Variants in CENPP observed in about 807,000 individuals in gnomAD.
CENPP encodes the protein centromere protein P.
Under a neutral mutation model 35.6 loss-of-function variants are expected in CENPP, and 24 were observed. That is an observed-to-expected ratio of 0.67 (90% CI 0.49 to 0.95). The LOEUF (loss-of-function observed/expected upper bound fraction) is 0.95, where lower values mean the gene tolerates loss of function less well. Among genes scored for constraint, CENPP ranks in the 40% least tolerant of loss-of-function variants. The pLI, the probability that CENPP is intolerant of heterozygous loss-of-function variation, is 0.00. For missense variants in CENPP, 332 were observed against 345.3 expected (o/e 0.96, Z 0.31); for synonymous variants, 120 against 125.5 (o/e 0.96, Z 0.29).
chr9:92,505,150 C>T (rs758551155), intron 5 of CENPP, among the ~76,000 whole-genome samples: 13 of 152,190 alleles, frequency 8.5e-5, no homozygotes, highest in Non-Finnish European at 1.6e-4. Flanking sequence ...TGAGTGGACA[C>T]TCTGTTACGG....
At chr9:92,450,312 T>C (rs1156590648) in intron 5 of CENPP, among the ~76,000 whole-genome samples, 3 of 147,476 alleles carry the variant, frequency 2.0e-5, no homozygotes, top group African/African-American at 5.0e-5. Flanking sequence ...GTTCTCATTG[T>C]TCAATTCCCA....
intron 5 of CENPP, among the ~76,000 whole-genome samples, chr9:92,387,378 GAA>G (rs574588556): frequency 3.4e-5 from 4 of 117,304 alleles, no homozygotes; most frequent in South Asian, 2.6e-4. Flanking sequence ...TCCATCTCAA[GAA>G]AAAAAAAAAA....
intron 5 of CENPP, among the ~76,000 whole-genome samples, chr9:92,524,110 C>T (rs1053519814): frequency 3.9e-5 from 6 of 152,152 alleles, no homozygotes; most frequent in East Asian, 1.9e-4. Flanking sequence ...TTTGCTAAGA[C>T]GTTCTGTGAC....
At chr9:92,505,483 C>T (rs1371471041) in intron 5 of CENPP, 1 of 1,434,648 alleles carries the variant, frequency 7.0e-7, no homozygotes. Context: ...TTGTAGTGTA[C>T]CATATTTCAA....
intron 5 of CENPP, among the ~76,000 whole-genome samples, chr9:92,566,431 T>C (rs1849970159): frequency 6.6e-6 from 1 of 152,020 alleles, no homozygotes; most frequent in South Asian, 2.1e-4. Context: ...TTAAAGAGTT[T>C]TAAAAACTGT....
At chr9:92,531,404 A>G (rs938948831) in intron 5 of CENPP, among the ~76,000 whole-genome samples, 3 of 152,170 alleles carry the variant, frequency 2.0e-5, no homozygotes, top group Non-Finnish European at 4.4e-5. Context: ...ATCCCAGTAT[A>G]TATTCTGTTT....
chr9:92,404,485 A>G (rs1248534686), intron 5 of CENPP: 2 of 1,272,242 alleles, frequency 1.6e-6, no homozygotes, highest in African/African-American at 1.6e-5. Flanking sequence ...ATATATGAAA[A>G]GTAAGCCTAC....
intron 5 of CENPP, among the ~76,000 whole-genome samples, chr9:92,574,815 C>T (rs1028921138): frequency 2.0e-5 from 3 of 152,196 alleles, no homozygotes; most frequent in Admixed American, 6.5e-5. Flanking sequence ...AATTTCAAAA[C>T]TTACTACAAA....
chr9:92,414,377 C>A (rs1843527137), intron 5 of CENPP: 1 of 201,944 alleles, frequency 5.0e-6, no homozygotes, highest in East Asian at 7.6e-5. Flanking sequence ...AAACATTTAT[C>A]CCAGTTAAAA....
intron 5 of CENPP, chr9:92,416,902 G>A: frequency 6.2e-7 from 1 of 1,613,996 alleles, no homozygotes. Context: ...TGTTACTGCA[G>A]AGGTTGAGCT....
At chr9:92,412,100 T>C (rs189239808) in intron 5 of CENPP, among the ~76,000 whole-genome samples, 6 of 152,192 alleles carry the variant, frequency 3.9e-5, no homozygotes, top group Admixed American at 3.9e-4. Flanking sequence ...AATTTATTTA[T>C]TTTTAGAGAC....
intron 5 of CENPP, among the ~76,000 whole-genome samples, chr9:92,508,713 C>G (rs1847155034): frequency 1.3e-5 from 2 of 152,172 alleles, no homozygotes; most frequent in South Asian, 2.1e-4. Flanking sequence ...ATTTCCATAA[C>G]TAATCCTCAG....
At chr9:92,348,971 C>T (rs761966277) in intron 4 of CENPP, among the ~76,000 whole-genome samples, 2 of 152,090 alleles carry the variant, frequency 1.3e-5, no homozygotes, top group Admixed American at 6.6e-5. Flanking sequence ...TTAAATCTTT[C>T]TCTTAATTTT....
At chr9:92,369,484 G>A (rs940219574) in intron 4 of CENPP, among the ~76,000 whole-genome samples, 10 of 152,088 alleles carry the variant, frequency 6.6e-5, no homozygotes, top group African/African-American at 2.4e-4. Context: ...TGGTTGTTTT[G>A]CATTTGAAAA....
At chr9:92,416,099 T>TATATA (rs1843601377) in intron 5 of CENPP, among the ~76,000 whole-genome samples, 2 of 132,848 alleles carry the variant, frequency 1.5e-5, no homozygotes, top group African/African-American at 2.8e-5. Context: ...TATTTATTTA[T>TATATA]TTTATTTTTT....
chr9:92,481,402 A>G (rs1185632408), intron 5 of CENPP, among the ~76,000 whole-genome samples: 7 of 151,916 alleles, frequency 4.6e-5, no homozygotes, highest in African/African-American at 1.7e-4. Context: ...AAACAACTTT[A>G]TTTTTAGGGA....
intron 5 of CENPP, among the ~76,000 whole-genome samples, chr9:92,502,252 G>T (rs1047192348): frequency 6.6e-6 from 1 of 152,158 alleles, no homozygotes; most frequent in Non-Finnish European, 1.5e-5. Flanking sequence ...ATATGATAGG[G>T]TGTCCAGTAT....
intron 5 of CENPP, among the ~76,000 whole-genome samples, chr9:92,544,741 G>C (rs1236934240): frequency 2.7e-4 from 37 of 139,244 alleles, no homozygotes; most frequent in African/African-American, 1.0e-3. Flanking sequence ...TTGAGTTGGA[G>C]TTTCGCTGTT....
chr9:92,586,436 G>A (rs1462175344), intron 5 of CENPP, among the ~76,000 whole-genome samples: 4 of 152,146 alleles, frequency 2.6e-5, no homozygotes, highest in Admixed American at 1.3e-4. Context: ...AAAAACCCTC[G>A]AAGGAGGAGG....
Sources: allele counts gnomAD v4.1 joint callset (sites outside exome capture counted in the v4.1 genomes callset), GRCh38; gene constraint gnomAD v4.1.1; transcripts MANE v1.5; gene names NCBI Gene and HGNC (gene_info 2026-07-23, HGNC 2026-07-21).